The following ADARB1 variants were observed in gnomAD, a reference collection of about 807,000 sequenced individuals.
ADARB1 encodes the protein double-stranded RNA-specific editase 1.
In ADARB1, 10 loss-of-function variants were observed where a neutral mutation model predicts 52.4. That is an observed-to-expected ratio of 0.19 (90% CI 0.12 to 0.32). The LOEUF (loss-of-function observed/expected upper bound fraction) is 0.32, where lower values mean the gene tolerates loss of function less well. Among genes scored for constraint, ADARB1 ranks in the 10% least tolerant of loss-of-function variants. The pLI is 1.00. For missense variants in ADARB1, 643 were observed against 922.3 expected, an observed-to-expected ratio of 0.70 and a Z score of 3.92; for synonymous variants, 349 against 371.1, an observed-to-expected ratio of 0.94 and a Z score of 0.68.
chr21:45,097,656 G>A (rs1218181167), intron 1 of ADARB1, among the ~76,000 whole-genome samples: 1 of 152,160 alleles, frequency 6.6e-6, no homozygotes, highest in Non-Finnish European at 1.5e-5. Context: ...CAAGGTGGAA[G>A]GCAGTGCCTA....
chr21:45,164,235 C>A (rs2091138756), intron 2 of ADARB1, among the ~76,000 whole-genome samples: 1 of 152,092 alleles, frequency 6.6e-6, no homozygotes, highest in Non-Finnish European at 1.5e-5. Context: ...ACTGTAGCAG[C>A]CAAGTGAAGA....
At chr21:45,202,244 C>T (rs1192890032) in intron 8 of ADARB1, among the ~76,000 whole-genome samples, 2 of 152,274 alleles carry the variant, frequency 1.3e-5, no homozygotes, top group East Asian at 3.9e-4. Context: ...GGCCAGAAGT[C>T]AGGTCCTATA....
chr21:45,218,837 C>G (rs1179365828), intron 9 of ADARB1, among the ~76,000 whole-genome samples: 1 of 151,978 alleles, frequency 6.6e-6, no homozygotes, highest in Non-Finnish European at 1.5e-5. Flanking sequence ...GTGGGCTTGA[C>G]AGTTCAGTGT....
intron 7 of ADARB1, 131 bp downstream of exon 7, chr21:45,183,641 C>G (rs2092002257): frequency 2.8e-6 from 3 of 1,069,462 alleles, no homozygotes; most frequent in Non-Finnish European, 3.9e-6. Flanking sequence ...TGATAAGAGT[C>G]TCTATAAAAG....
intron 2 of ADARB1, among the ~76,000 whole-genome samples, chr21:45,161,217 C>T (rs1160528485): frequency 2.0e-5 from 3 of 152,174 alleles, no homozygotes; most frequent in African/African-American, 7.2e-5. Flanking sequence ...CAGGTGGAAG[C>T]CCCACCCCCT....
At chr21:45,143,269 A>T (rs1367129664) in intron 2 of ADARB1, among the ~76,000 whole-genome samples, 1 of 152,048 alleles carries the variant, frequency 6.6e-6, no homozygotes, top group Non-Finnish European at 1.5e-5. Context: ...CCAAACTCAG[A>T]CCCCAAGTCC....
At chr21:45,188,573 A>G (rs547513725) in intron 8 of ADARB1, among the ~76,000 whole-genome samples, 2 of 151,658 alleles carry the variant, frequency 1.3e-5, no homozygotes, top group African/African-American at 4.8e-5. Flanking sequence ...GTATCCTTAG[A>G]TCCAAAATTA....
At chr21:45,167,295 T>C (rs987994043) in intron 2 of ADARB1, among the ~76,000 whole-genome samples, 2 of 152,232 alleles carry the variant, frequency 1.3e-5, no homozygotes, top group African/African-American at 4.8e-5. Context: ...TGAGCTGGGC[T>C]CACTCCTGTG....
chr21:45,134,654 A>G, intron 2 of ADARB1: 1 of 444,442 alleles, frequency 2.3e-6, no homozygotes, highest in South Asian at 1.6e-5. Flanking sequence ...TGGACAAGGC[A>G]GTACAGTAGA....
intron 2 of ADARB1, among the ~76,000 whole-genome samples, chr21:45,149,265 G>T (rs2090162598): frequency 6.6e-6 from 1 of 152,168 alleles, no homozygotes; most frequent in African/African-American, 2.4e-5. Flanking sequence ...TCTGTCCTCT[G>T]TACTGGGAAC....
chr21:45,115,799 C>G (rs1403347731), intron 1 of ADARB1, among the ~76,000 whole-genome samples: 2 of 152,136 alleles, frequency 1.3e-5, no homozygotes, highest in Admixed American at 6.5e-5. Flanking sequence ...GTGTGAGTTT[C>G]TGGTGCTGTT....
chr21:45,168,709 A>G (rs1379977357), intron 2 of ADARB1, among the ~76,000 whole-genome samples: 1 of 151,978 alleles, frequency 6.6e-6, no homozygotes, highest in African/African-American at 2.4e-5. Context: ...TTTGTAATAA[A>G]TGCTGAGATC....
intron 9 of ADARB1, among the ~76,000 whole-genome samples, chr21:45,212,058 T>G: frequency 2.7e-5 from 1 of 37,152 alleles, no homozygotes; most frequent in East Asian, 7.7e-4. Context: ...GGATCTTATA[T>G]TTTTTGTTAA....
intron 2 of ADARB1, among the ~76,000 whole-genome samples, chr21:45,156,672 C>T (rs188481887): frequency 1.3e-5 from 2 of 152,270 alleles, no homozygotes; most frequent in Admixed American, 6.5e-5. Context: ...TCCACCCCCC[C>T]ACGCACCCAC....
intron 8 of ADARB1, among the ~76,000 whole-genome samples, chr21:45,198,371 A>C (rs192288359): frequency 6.6e-6 from 1 of 152,190 alleles, no homozygotes; most frequent in African/African-American, 2.4e-5. Context: ...AGAGTCCTAG[A>C]CACTTCAGCA....
At chr21:45,191,881 T>TATATA (rs1491137142) in intron 8 of ADARB1, among the ~76,000 whole-genome samples, 1 of 9,886 alleles carries the variant, frequency 1.0e-4, no homozygotes, top group Non-Finnish European at 2.0e-4. Context: ...TATATATATA[T>TATATA]TTTTTTTTTT....
At position 45,074,776 on chromosome 21, in the gene ADARB1, G is replaced by C. The variant is rs1251269159; in HGVS notation, c.-237G>C. The C allele has an allele frequency of 3.4e-5, 5 of 147,216 alleles. No homozygotes were observed. Among genetic ancestry groups the C allele is most frequent in the South Asian group, 3.7e-4 (2 of 5,388 alleles). 9.1% of individuals were successfully genotyped at this position (147,216 alleles called of 1,614,324 possible). On this transcript the variant is annotated 5_prime_UTR_variant, in exon 1 of 11. Transcript: ENST00000348831. ...GGCGCGCGTGCGGAGGACCAGGCGC[G>C]GCGCGGCTGCGGCTGAGGTGAGGGC...
chr21:45,096,247 T>C (rs927622346), intron 1 of ADARB1, among the ~76,000 whole-genome samples: 3 of 152,230 alleles, frequency 2.0e-5, no homozygotes, highest in African/African-American at 7.2e-5. Context: ...ATTTCCTCCT[T>C]CTAGATGCCT....
At chr21:45,184,061 CT>C (rs2092015922) in intron 7 of ADARB1, among the ~76,000 whole-genome samples, 2 of 152,172 alleles carry the variant, frequency 1.3e-5, no homozygotes, top group East Asian at 3.9e-4. Flanking sequence ...CATTACTTTC[CT>C]TGTTTATAAA....
Sources: allele counts gnomAD v4.1 joint callset (sites outside exome capture counted in the v4.1 genomes callset), GRCh38; gene constraint gnomAD v4.1.1; transcripts MANE v1.5; gene names NCBI Gene and HGNC (gene_info 2026-07-23, HGNC 2026-07-21).